The following SUGCT variants were observed in gnomAD, a reference collection of about 807,000 sequenced individuals.
SUGCT encodes succinyl-CoA:glutarate-CoA transferase.
Under a neutral mutation model 55.0 loss-of-function variants are expected in SUGCT, and 41 were observed. The observed-to-expected ratio is 0.74, with a 90% CI of 0.58 to 0.97. The LOEUF is 0.97. Ranked by LOEUF, SUGCT falls within the 50% of genes least tolerant of loss-of-function variation. The pLI is 0.00. For missense variants in SUGCT, 568 were observed against 547.8 expected (o/e 1.04, Z -0.37); for synonymous variants, 187 against 200.4 (o/e 0.93, Z 0.56).
At chr7:40,814,047 C>T (rs1431378144) in intron 13 of SUGCT, among the ~76,000 whole-genome samples, 10 of 152,196 alleles carry the variant, frequency 6.6e-5, no homozygotes. Context: ...GGCCCCCAAT[C>T]TCTCCTGGCT....
the SUGCT span, among the ~76,000 whole-genome samples, chr7:41,014,097 C>T: frequency 6.6e-6 from 1 of 152,084 alleles, no homozygotes; most frequent in Non-Finnish European, 1.5e-5. Context: ...CACAAAGTAC[C>T]AATGCTCATT....
At chr7:40,168,740 G>A (rs1291948804) in intron 1 of SUGCT, among the ~76,000 whole-genome samples, 5 of 152,118 alleles carry the variant, frequency 3.3e-5, no homozygotes, top group African/African-American at 9.7e-5. Flanking sequence ...TTCCTTCTTC[G>A]GCGGCTAGCC....
At position 40,352,517 on chromosome 7, in the gene SUGCT, A is replaced by T. The variant is rs569463169; in HGVS notation, c.816+35662A>T. Among the ~76,000 whole-genome samples the T allele has an allele frequency of 2.4e-3, 369 of 152,088 alleles. 1 individual carries two copies. Among genetic ancestry groups the T allele is most frequent in the African/African-American group, 8.0e-3 (332 of 41,464 alleles). On this transcript the variant is annotated intron_variant, in intron 9 of 13. Transcript: ENST00000335693. ...CTGTTGTTGCCTTTCTTGTATCCAT[A>T]TGTGCTCAGTGTTTAGCTCCCACAT...
chr7:40,628,765 GA>G (rs1799645611), intron 12 of SUGCT, among the ~76,000 whole-genome samples: 1 of 151,718 alleles, frequency 6.6e-6, no homozygotes, highest in South Asian at 2.1e-4. Flanking sequence ...GTTTTAGATG[GA>G]GTCTCACTCT....
At chr7:40,943,123 T>C in the SUGCT span, among the ~76,000 whole-genome samples, 1 of 151,966 alleles carries the variant, frequency 6.6e-6, no homozygotes, top group Admixed American at 6.6e-5. Flanking sequence ...TTAGGGGTGT[T>C]ACAGAACCCT....
At chr7:40,759,837 G>A (rs749630498) in intron 13 of SUGCT, among the ~76,000 whole-genome samples, 71 of 150,544 alleles carry the variant, frequency 4.7e-4, no homozygotes, top group Non-Finnish European at 7.1e-4. Context: ...TTTTTTTGTT[G>A]TTGTTGTTTT....
At chr7:40,176,321 A>G (rs1784920848) in intron 1 of SUGCT, among the ~76,000 whole-genome samples, 1 of 152,138 alleles carries the variant, frequency 6.6e-6, no homozygotes, top group African/African-American at 2.4e-5. Flanking sequence ...CATGTGTACA[A>G]TGAGTCAGTA....
chr7:40,566,616 A>C (rs2151677344), intron 12 of SUGCT, among the ~76,000 whole-genome samples: 1 of 152,332 alleles, frequency 6.6e-6, no homozygotes, highest in East Asian at 1.9e-4. Context: ...GAGACCTTAA[A>C]AATCTTTATT....
At chr7:40,193,460 G>C (rs1014810712) in intron 5 of SUGCT, among the ~76,000 whole-genome samples, 15 of 150,980 alleles carry the variant, frequency 9.9e-5, no homozygotes, top group African/African-American at 3.7e-4. Context: ...AATTTTTGTA[G>C]TTTTTGTAGA....
intron 6 of SUGCT, among the ~76,000 whole-genome samples, chr7:40,225,805 A>T (rs986892738): frequency 3.9e-5 from 6 of 152,220 alleles, no homozygotes; most frequent in African/African-American, 7.2e-5. Context: ...GAGTGTTTAC[A>T]GTTTAGTAAT....
the SUGCT span, among the ~76,000 whole-genome samples, chr7:40,874,641 T>C: frequency 6.6e-6 from 1 of 152,146 alleles, no homozygotes; most frequent in African/African-American, 2.4e-5. Context: ...ATACAATATA[T>C]TCTCTGTATA....
chr7:40,640,656 G>A (rs1411631315), intron 12 of SUGCT, among the ~76,000 whole-genome samples: 5 of 152,102 alleles, frequency 3.3e-5, no homozygotes, highest in Admixed American at 2.6e-4. Flanking sequence ...CTGGAATGCT[G>A]AATTAAAAAA....
intron 12 of SUGCT, among the ~76,000 whole-genome samples, chr7:40,694,640 C>T (rs1784844475): frequency 6.6e-6 from 1 of 152,192 alleles, no homozygotes; most frequent in African/African-American, 2.4e-5. Context: ...ACAATTTCTA[C>T]ATTGTTCTTG....
intron 12 of SUGCT, among the ~76,000 whole-genome samples, chr7:40,647,213 A>G (rs1037827405): frequency 2.0e-5 from 3 of 152,214 alleles, no homozygotes; most frequent in Non-Finnish European, 4.4e-5. Context: ...AAGGATATCA[A>G]AGAATATTGG....
intron 12 of SUGCT, among the ~76,000 whole-genome samples, chr7:40,681,935 G>A (rs1460148385): frequency 3.3e-5 from 5 of 152,176 alleles, no homozygotes; most frequent in Non-Finnish European, 2.9e-5. Context: ...AGGCAGATCT[G>A]TTTGGTGGGG....
At position 40,797,878 on chromosome 7, in the gene SUGCT, T is replaced by C. The variant is rs575540692; in HGVS notation, c.1153+48381T>C. ...ATAGACTGGAATACAAGGACTTCTT[T>C]CCCAGGACCCCATTCACCTTCCCTG... On this transcript the variant is annotated intron_variant, in intron 13 of 13. Transcript: ENST00000335693. Among the ~76,000 whole-genome samples the C allele has an allele frequency of 5.3e-5, 8 of 152,350 alleles. No homozygotes were observed. The East Asian group carries it at 1.2e-3, about 22-fold the overall frequency.
At chr7:40,329,940 G>T (rs1394115349) in intron 9 of SUGCT, among the ~76,000 whole-genome samples, 1 of 152,180 alleles carries the variant, frequency 6.6e-6, no homozygotes, top group Non-Finnish European at 1.5e-5. Flanking sequence ...TCCTGGGAAT[G>T]ATTTCCATTT....
chr7:40,527,355 T>A (rs1419301098), intron 12 of SUGCT, among the ~76,000 whole-genome samples: 3 of 152,220 alleles, frequency 2.0e-5, no homozygotes, highest in African/African-American at 7.2e-5. Flanking sequence ...CAAAACTCTT[T>A]CAATCAGTTC....
At chr7:40,311,419 T>G (rs927697647) in intron 8 of SUGCT, among the ~76,000 whole-genome samples, 2 of 152,186 alleles carry the variant, frequency 1.3e-5, no homozygotes, top group Non-Finnish European at 2.9e-5. Context: ...GACGATACAA[T>G]TTGTGATTGT....
Sources: allele counts gnomAD v4.1 joint callset (sites outside exome capture counted in the v4.1 genomes callset), GRCh38; gene constraint gnomAD v4.1.1; transcripts MANE v1.5; gene names NCBI Gene and HGNC (gene_info 2026-07-23, HGNC 2026-07-21).